Variants in TTC19 observed in about 807,000 individuals in gnomAD.
The protein encoded by TTC19 is tetratricopeptide repeat protein 19, mitochondrial.
Under a neutral mutation model 49.5 loss-of-function variants are expected in TTC19, and 38 were observed. The ratio of observed to expected loss-of-function variants is 0.77; its 90% CI spans 0.59 to 1.01. The LOEUF is 1.01. TTC19 is among the 50% of genes least tolerant of loss of function. The probability of loss-of-function intolerance (pLI) is 0.00; values close to 1 mark genes in which losing one functional copy is unlikely to be tolerated. For synonymous variants in TTC19, 204 were observed against 185.2 expected (o/e 1.10, Z -0.83); for missense variants, 475 against 477.7 (o/e 0.99, Z 0.05).
chr17:16,012,445 G>T (rs1434881613), intron 7 of TTC19, among the ~76,000 whole-genome samples: 2 of 152,162 alleles, frequency 1.3e-5, no homozygotes, highest in Admixed American at 6.5e-5. Context: ...ACCACCTGTG[G>T]TCCAGCCTGG....
chr17:16,030,983 T>C (rs1010080905), downstream of TTC19: 9 of 196,804 alleles, frequency 4.6e-5, no homozygotes, highest in Admixed American at 3.0e-4. Flanking sequence ...CCAAAACTGT[T>C]AGTATCTATG....
At chr17:16,005,016 T>C (rs1970858451) in intron 6 of TTC19, among the ~76,000 whole-genome samples, 1 of 152,226 alleles carries the variant, frequency 6.6e-6, no homozygotes, top group South Asian at 2.1e-4. Context: ...CAATCTTTCT[T>C]GGAGTTGTAA....
chr17:16,014,296 A>G (rs539573752), intron 7 of TTC19, among the ~76,000 whole-genome samples: 12 of 152,332 alleles, frequency 7.9e-5, no homozygotes, highest in African/African-American at 2.9e-4. Context: ...ATGATTGGCT[A>G]AAATACATCA....
chr17:16,004,992 C>G (rs551075689), intron 6 of TTC19, among the ~76,000 whole-genome samples: 1 of 152,230 alleles, frequency 6.6e-6, no homozygotes, highest in Non-Finnish European at 1.5e-5. Context: ...TGCCAGGGAA[C>G]ACTGCAGCTT....
At chr17:16,034,761 T>C (rs1252513880) in intron 2 of TTC19, 1 of 1,608,976 alleles carries the variant, frequency 6.2e-7, no homozygotes, top group Non-Finnish European at 8.5e-7. Flanking sequence ...AGCAGAATCC[T>C]TACCTGTTGA....
intron 2 of TTC19, chr17:16,041,269 A>C (rs1174415844): frequency 6.6e-6 from 1 of 152,254 alleles, no homozygotes; most frequent in Non-Finnish European, 1.5e-5. Context: ...GCAGTGTGCC[A>C]GAAAGGGGAA....
chr17:16,027,497 C>T lies in TTC19; in HGVS notation c.1118C>T (p.Pro373Leu). The stretch of plus-strand genomic sequence containing the variant: ...GCTGAGCTGTCAAAGAAAAGTAGAC[C>T]TTTGACAAATTCTGTCAAGCTCTAA... Reference protein sequence around the residue: ...ELAELSKKSRPLTNSVKL With the variant: ...ELAELSKKSRLLTNSVKL Residue 373 changes from proline to leucine, a missense_variant, in exon 10 of 10, where the codon CCT (proline) becomes CTT (leucine). Pro to Leu is a moderately conservative substitution (Grantham distance 98, BLOSUM62 -3). Coordinates refer to ENST00000261647, the MANE Select transcript of TTC19 (RefSeq NM_017775.4). 2 of 1,613,978 alleles carry T rather than the reference C, an allele frequency of 1.2e-6. No individual in the cohort carries two copies. Among genetic ancestry groups the T allele is most frequent in the South Asian group, 1.1e-5 (1 of 91,068 alleles).
At chr17:16,031,508 C>T (rs901480844), downstream of TTC19, 7 of 204,700 alleles carry the variant, frequency 3.4e-5, no homozygotes, top group African/African-American at 1.1e-4. Flanking sequence ...TACCAGTGTG[C>T]GTAACAGTGA....
intron 2 of TTC19, 173 bp downstream of exon 2, chr17:16,000,418 G>C (rs1401290514): frequency 6.8e-7 from 1 of 1,463,978 alleles, no homozygotes; most frequent in Non-Finnish European, 9.0e-7. Flanking sequence ...ATCCATCCAG[G>C]CTTTTCCGAC....
At chr17:16,023,654 C>T (rs754622825) in intron 7 of TTC19, 2 of 152,146 alleles carry the variant, frequency 1.3e-5, no homozygotes, top group Non-Finnish European at 2.9e-5. Flanking sequence ...ATGATACAGA[C>T]GATTCTGGTG....
chr17:16,021,113 C>T (rs950113367), intron 7 of TTC19, among the ~76,000 whole-genome samples: 17 of 152,102 alleles, frequency 1.1e-4, no homozygotes, highest in Admixed American at 2.6e-4. Flanking sequence ...GTTGGCTGGG[C>T]GCAGTGGCTC....
chr17:16,014,920 G>T (rs1273541080), intron 7 of TTC19, among the ~76,000 whole-genome samples: 5 of 152,112 alleles, frequency 3.3e-5, no homozygotes, highest in African/African-American at 1.2e-4. Flanking sequence ...TATATGAATA[G>T]ATTTATTACT....
chr17:16,039,660 A>G (rs764876927), intron 2 of TTC19: 2 of 1,610,016 alleles, frequency 1.2e-6, no homozygotes, highest in African/African-American at 1.3e-5. Flanking sequence ...TGAGCCTGAA[A>G]GAGAATCAAA....
Position 16,029,373 on chromosome 17 carries a change from T to G in TTC19, c.*1851T>G. The G allele has an allele frequency of 2.9e-6, 1 of 350,210 alleles. No homozygotes were observed. Among genetic ancestry groups the G allele is most frequent in the Non-Finnish European group, 5.6e-6 (1 of 178,178 alleles). The allele number at this position is 350,210 out of a possible 1,614,324, so 21.7% of individuals were successfully genotyped here. On this transcript the variant is annotated 3_prime_UTR_variant, in exon 10 of 10. Transcript: ENST00000261647. ...GGTCTAAATTCAAAAGTGAATTGGT[T>G]AAAATCGTGTCATTAAAATTTTTTA...
intron 7 of TTC19, chr17:16,023,324 A>G (rs978586984): frequency 6.6e-6 from 1 of 152,250 alleles, no homozygotes; most frequent in Non-Finnish European, 1.5e-5. Context: ...AGTTTCCACT[A>G]GAATTGCTTG....
exon 3 of TTC19, chr17:16,044,988 G>T: frequency 2.1e-6 from 1 of 480,396 alleles, no homozygotes; most frequent in East Asian, 3.9e-5. Context: ...TCAATACAAA[G>T]CTGAACTTAA....
chr17:16,007,167 T>TG (rs1402613330), intron 7 of TTC19, among the ~76,000 whole-genome samples: 1 of 152,210 alleles, frequency 6.6e-6, no homozygotes, highest in Admixed American at 6.5e-5. Context: ...CTGTACCTAG[T>TG]GGTCTTCTAA....
chr17:16,002,107 CCTGA>C (rs1970756147), intron 3 of TTC19, 82 bp downstream of exon 3: 1 of 939,514 alleles, frequency 1.1e-6, no homozygotes, highest in Non-Finnish European at 1.7e-6. Flanking sequence ...GATTTATATT[CCTGA>C]CTTTCACGAT....
At chr17:16,042,288 G>A (rs1444987199) in intron 2 of TTC19, among the ~76,000 whole-genome samples, 1 of 130,222 alleles carries the variant, frequency 7.7e-6, no homozygotes, top group Non-Finnish European at 1.6e-5. Flanking sequence ...CATGAAGTGT[G>A]TGGAACAGGA....
Sources: gnomAD v4.1 joint callset for allele counts (sites outside exome capture counted in the v4.1 genomes callset) on GRCh38, gnomAD v4.1.1 for gene constraint, MANE v1.5 for transcripts, NCBI Gene and HGNC (gene_info 2026-07-23, HGNC 2026-07-21) for gene names.